Variants in DISC1 observed in about 807,000 individuals in gnomAD.
The protein encoded by DISC1 is DISC1 scaffold protein.
In DISC1, 57 loss-of-function variants were observed where a neutral mutation model predicts 84.5. That is an observed-to-expected ratio of 0.67 (90% confidence interval 0.55 to 0.84). The LOEUF is 0.84. Ranked by LOEUF, DISC1 falls within the 40% of genes least tolerant of loss-of-function variation. The probability of loss-of-function intolerance (pLI) is 0.00; values close to 1 mark genes in which losing one functional copy is unlikely to be tolerated. For missense variants in DISC1, 1,000 were observed against 1,057.8 expected (o/e 0.95, Z 0.76); for synonymous variants, 411 against 415.2 (o/e 0.99, Z 0.12).
intron 1 of DISC1, among the ~76,000 whole-genome samples, chr1:231,661,491 T>C (rs2061560396): frequency 6.6e-6 from 1 of 152,224 alleles, no homozygotes; most frequent in African/African-American, 2.4e-5. Flanking sequence ...TTCAGAAAGA[T>C]AGTCTTTAAG....
At chr1:231,777,700 G>T (rs1335583908) in intron 6 of DISC1, among the ~76,000 whole-genome samples, 1 of 152,182 alleles carries the variant, frequency 6.6e-6, no homozygotes, top group Non-Finnish European at 1.5e-5. Flanking sequence ...CCCTGCAGGT[G>T]TGCCCTCTCC....
chr1:231,775,003 T>C (rs539795420), intron 6 of DISC1, among the ~76,000 whole-genome samples: 5 of 152,326 alleles, frequency 3.3e-5, no homozygotes, highest in African/African-American at 9.6e-5. Context: ...TTCATGAGAA[T>C]AGGCTCTTCT....
At chr1:231,900,780 G>A (rs945658496) in intron 9 of DISC1, among the ~76,000 whole-genome samples, 1 of 152,150 alleles carries the variant, frequency 6.6e-6, no homozygotes, top group Non-Finnish European at 1.5e-5. Flanking sequence ...GGTTAGACAA[G>A]GCAACTGGTA....
intron 9 of DISC1, among the ~76,000 whole-genome samples, chr1:231,902,771 T>C (rs1178096273): frequency 6.6e-6 from 1 of 152,210 alleles, no homozygotes; most frequent in Non-Finnish European, 1.5e-5. Context: ...CCTTGATATG[T>C]ACACGTTGAG....
chr1:231,808,866 T>C (rs1303004693), intron 8 of DISC1, among the ~76,000 whole-genome samples: 1 of 152,126 alleles, frequency 6.6e-6, no homozygotes, highest in Non-Finnish European at 1.5e-5. Flanking sequence ...GCAAAGGCAA[T>C]ATACACCACA....
intron 7 of DISC1, among the ~76,000 whole-genome samples, chr1:231,799,731 C>T (rs1251143070): frequency 6.6e-6 from 1 of 151,224 alleles, no homozygotes; most frequent in African/African-American, 2.4e-5. Flanking sequence ...TCTGTTAGCT[C>T]CTATCAGTTT....
intron 8 of DISC1, 94 bp downstream of exon 8, chr1:231,800,304 T>C: frequency 1.0e-6 from 1 of 985,806 alleles, no homozygotes; most frequent in Non-Finnish European, 1.6e-6. Context: ...CATTCCACTG[T>C]TATTATGTCA....
intron 3 of DISC1, among the ~76,000 whole-genome samples, chr1:231,714,480 G>T (rs919213853): frequency 6.6e-6 from 1 of 152,040 alleles, no homozygotes; most frequent in Non-Finnish European, 1.5e-5. Flanking sequence ...AAGTTTGGTG[G>T]TTCTTCAAAA....
chr1:232,003,194 C>G (rs1333178327), intron 10 of DISC1, among the ~76,000 whole-genome samples: 1 of 152,042 alleles, frequency 6.6e-6, no homozygotes, highest in African/African-American at 2.4e-5. Context: ...AAGATAAAAT[C>G]TTAGAATGGG....
At chr1:231,918,677 A>G (rs1297494204) in intron 9 of DISC1, among the ~76,000 whole-genome samples, 2 of 152,226 alleles carry the variant, frequency 1.3e-5, no homozygotes, top group African/African-American at 4.8e-5. Context: ...GGAGAAAAAT[A>G]TCTCTTTTGC....
At chr1:231,742,573 G>A (rs2073426385) in intron 3 of DISC1, among the ~76,000 whole-genome samples, 2 of 152,004 alleles carry the variant, frequency 1.3e-5, no homozygotes, top group African/African-American at 4.8e-5. Flanking sequence ...AGGAGTTTGT[G>A]ATCAGCCTGG....
chr1:231,721,432 A>G (rs574362592), intron 3 of DISC1, among the ~76,000 whole-genome samples: 1 of 152,362 alleles, frequency 6.6e-6, no homozygotes, highest in African/African-American at 2.4e-5. Context: ...AAGTAAGTAA[A>G]TCTGGCTGAG....
chr1:231,631,169 G>A (rs1004490241), intron 1 of DISC1, among the ~76,000 whole-genome samples: 2 of 152,196 alleles, frequency 1.3e-5, no homozygotes, highest in African/African-American at 4.8e-5. Flanking sequence ...TTGTGTTCTG[G>A]CAGGTAAGAT....
At chr1:231,727,345 T>C (rs1368855572) in intron 3 of DISC1, among the ~76,000 whole-genome samples, 3 of 152,130 alleles carry the variant, frequency 2.0e-5, no homozygotes, top group Admixed American at 6.5e-5. Context: ...GAGGGCTTAA[T>C]GACTTCCAGG....
At chr1:231,907,000 TTCTC>T (rs538277387) in intron 9 of DISC1, among the ~76,000 whole-genome samples, 12 of 118,166 alleles carry the variant, frequency 1.0e-4, no homozygotes, top group African/African-American at 1.6e-4. Context: ...CTTTCTTTCT[TTCTC>T]TCTCTCTTTC....
chr1:231,633,620 C>T (rs1385733270), intron 1 of DISC1, among the ~76,000 whole-genome samples: 1 of 152,178 alleles, frequency 6.6e-6, no homozygotes, highest in African/African-American at 2.4e-5. Flanking sequence ...AATGTCGTAG[C>T]TACTTTAACT....
At chr1:231,775,046 A>G (rs1171512224) in intron 6 of DISC1, among the ~76,000 whole-genome samples, 1 of 152,238 alleles carries the variant, frequency 6.6e-6, no homozygotes, top group Non-Finnish European at 1.5e-5. Flanking sequence ...ACAAATTGTG[A>G]AACAGGAAAA....
rs1553394046 is a variant in DISC1, at chr1:231,912,788, T to TCTTTCTTG, written c.1982-46033_1982-46032insGCTTTCTT. Among the ~76,000 whole-genome samples, 183 of 145,122 alleles carry TCTTTCTTG rather than the reference T, an allele frequency of 1.3e-3. 1 individual carries two copies. The highest frequency in any genetic ancestry group is 4.4e-3 in the African/African-American group (172 of 39,380). ...TTCTTTCTTTCTTTCTTTCTTTCTT[T>TCTTTCTTG]CTTTCTTTCTTTCTTTCTTTTTCTT... On this transcript the variant is annotated intron_variant, in intron 9 of 12. Coordinates refer to ENST00000439617, the MANE Select transcript of DISC1 (RefSeq NM_018662.3).
At chr1:231,685,450 A>T (rs2064148837) in intron 1 of DISC1, among the ~76,000 whole-genome samples, 3 of 151,638 alleles carry the variant, frequency 2.0e-5, no homozygotes, top group Non-Finnish European at 4.4e-5. Context: ...TCTTTATTTT[A>T]TCTTATTGTA....
Sources: gnomAD v4.1 joint callset for allele counts (sites outside exome capture counted in the v4.1 genomes callset) on GRCh38, gnomAD v4.1.1 for gene constraint, MANE v1.5 for transcripts, NCBI Gene and HGNC (gene_info 2026-07-23, HGNC 2026-07-21) for gene names.